The following FER1L6 variants were observed in gnomAD, a reference collection of about 807,000 sequenced individuals.
FER1L6 encodes fer-1 like family member 6, also known as fer-1-like protein 6.
FER1L6 carries 177 observed loss-of-function variants against 219.2 expected under a neutral mutation model. That is an observed-to-expected ratio of 0.81 (90% CI 0.71 to 0.91). The LOEUF (loss-of-function observed/expected upper bound fraction) is 0.91, where lower values mean the gene tolerates loss of function less well. FER1L6 is among the 40% of genes least tolerant of loss of function. FER1L6 has a pLI of 0.00. For missense variants in FER1L6, 2,153 were observed against 2,259.9 expected (o/e 0.95, Z 0.96); for synonymous variants, 768 against 824.3 (o/e 0.93, Z 1.17).
chr8:124,079,572 T>A (rs1381252910), intron 32 of FER1L6, among the ~76,000 whole-genome samples: 1 of 152,178 alleles, frequency 6.6e-6, no homozygotes, highest in African/African-American at 2.4e-5. Flanking sequence ...AGATTGCAAA[T>A]GTTTTTTTCT....
chr8:123,970,166 G>A, intron 6 of FER1L6, 69 bp downstream of exon 6: 3 of 1,356,340 alleles, frequency 2.2e-6, no homozygotes, highest in South Asian at 2.3e-5. Flanking sequence ...GGACTCTCTG[G>A]GACAACTCAG....
intron 26 of FER1L6, among the ~76,000 whole-genome samples, chr8:124,065,652 T>C (rs554253373): frequency 1.3e-5 from 2 of 152,312 alleles, no homozygotes; most frequent in African/African-American, 4.8e-5. Context: ...CATCTCAGAT[T>C]AATCATAAAA....
At chr8:123,894,157 G>T (rs1394349965) in intron 1 of FER1L6, among the ~76,000 whole-genome samples, 1 of 152,108 alleles carries the variant, frequency 6.6e-6, no homozygotes, top group Admixed American at 6.6e-5. Flanking sequence ...GAGATACCAG[G>T]CCTCTCAAAA....
At chr8:123,857,593 A>C (rs1816670473) in intron 1 of FER1L6, among the ~76,000 whole-genome samples, 1 of 152,178 alleles carries the variant, frequency 6.6e-6, no homozygotes, top group African/African-American at 2.4e-5. Context: ...GTTCAGTACT[A>C]ACCTGTTAGG....
chr8:124,018,993 C>A (rs769652699), intron 16 of FER1L6, among the ~76,000 whole-genome samples: 1 of 152,184 alleles, frequency 6.6e-6, no homozygotes, highest in Non-Finnish European at 1.5e-5. Flanking sequence ...CACCTCTGTT[C>A]TAGAGTATGG....
intron 2 of FER1L6, among the ~76,000 whole-genome samples, chr8:123,958,423 C>T (rs1815113793): frequency 6.6e-6 from 1 of 152,094 alleles, no homozygotes; most frequent in South Asian, 2.1e-4. Flanking sequence ...TGACCCTGTC[C>T]CTCACCTACA....
intron 1 of FER1L6, among the ~76,000 whole-genome samples, chr8:123,935,431 C>T (rs1320757005): frequency 6.6e-6 from 1 of 152,192 alleles, no homozygotes; most frequent in African/African-American, 2.4e-5. Context: ...CGTCTAAGCT[C>T]TGCTGATTAA....
At chr8:124,005,276 T>C (rs929883197) in intron 13 of FER1L6, among the ~76,000 whole-genome samples, 3 of 152,238 alleles carry the variant, frequency 2.0e-5, no homozygotes, top group African/African-American at 7.2e-5. Context: ...CCCTGTGGCT[T>C]TCAGGATTAA....
At chr8:123,884,563 T>C (rs1237313380) in intron 1 of FER1L6, among the ~76,000 whole-genome samples, 1 of 152,240 alleles carries the variant, frequency 6.6e-6, no homozygotes, top group African/African-American at 2.4e-5. Flanking sequence ...GCTTCAGCTT[T>C]TCTGGGCCAG....
intron 11 of FER1L6, among the ~76,000 whole-genome samples, chr8:123,983,538 C>T (rs1346413877): frequency 6.6e-6 from 1 of 152,094 alleles, no homozygotes; most frequent in Non-Finnish European, 1.5e-5. Context: ...TAAGGAGGTA[C>T]AGATAAAGTG....
intron 37 of FER1L6, among the ~76,000 whole-genome samples, chr8:124,099,928 A>G (rs904525669): frequency 6.6e-6 from 1 of 152,012 alleles, no homozygotes; most frequent in Admixed American, 6.6e-5. Flanking sequence ...CCACTCACTC[A>G]TATCCCTCTC....
chr8:123,967,069 G>A lies in FER1L6; in HGVS notation c.384+779G>A, dbSNP rs371909119. Among the ~76,000 whole-genome samples the A allele has an allele frequency of 1.2e-4, 16 of 138,826 alleles. No individual in the cohort carries two copies. The East Asian group carries it at 2.7e-3, about 23-fold the overall frequency. 91.1% of individuals were successfully genotyped at this position (138,826 alleles called of 152,430 possible). ...TGCACTCCAGCCTGGGTGACAGAGTGAGACTCCACCTCAAAAAAAAAAAAA... is the reference window on the plus strand; with the variant it reads ...TGCACTCCAGCCTGGGTGACAGAGTAAGACTCCACCTCAAAAAAAAAAAAA... On this transcript the variant is annotated intron_variant, in intron 5 of 40. Coordinates refer to ENST00000522917, the MANE Select transcript of FER1L6 (RefSeq NM_001039112.2).
At chr8:124,068,640 A>G (rs917079158) in intron 28 of FER1L6, among the ~76,000 whole-genome samples, 5 of 152,138 alleles carry the variant, frequency 3.3e-5, no homozygotes, top group Non-Finnish European at 7.3e-5. Context: ...GTGACTCCAA[A>G]AAGCTTTGGA....
At chr8:123,861,237 G>A (rs1816739675) in intron 1 of FER1L6, among the ~76,000 whole-genome samples, 1 of 120,120 alleles carries the variant, frequency 8.3e-6, no homozygotes, top group Non-Finnish European at 1.7e-5. Flanking sequence ...ATTAAATAGG[G>A]AATCCTTTCC....
intron 37 of FER1L6, 83 bp downstream of exon 37, chr8:124,097,966 G>A (rs1327350851): frequency 1.3e-5 from 10 of 760,714 alleles, no homozygotes; most frequent in Non-Finnish European, 2.1e-5. Flanking sequence ...GCCTCATGGA[G>A]GATACTAAAC....
At chr8:124,097,427 T>G in intron 36 of FER1L6, 68 bp downstream of exon 36, 1 of 1,158,866 alleles carries the variant, frequency 8.6e-7, no homozygotes, top group East Asian at 2.4e-5. Context: ...TCATGACATT[T>G]TATCTGGTGT....
chr8:124,103,393 A>G, intron 39 of FER1L6, 84 bp downstream of exon 39: 2 of 1,353,124 alleles, frequency 1.5e-6, no homozygotes, highest in Non-Finnish European at 2.1e-6. Context: ...GTGAACTTCA[A>G]GTAAAATGCC....
intron 17 of FER1L6, 55 bp downstream of exon 17, chr8:124,021,724 G>A: frequency 6.2e-7 from 1 of 1,602,322 alleles, no homozygotes; most frequent in South Asian, 1.1e-5. Context: ...ATGTCTTCCA[G>A]GGAGGTTTGA....
intron 2 of FER1L6, 46 bp downstream of exon 2, chr8:123,956,120 G>T (rs377723942): frequency 6.5e-5 from 99 of 1,524,820 alleles, no homozygotes; most frequent in Non-Finnish European, 8.7e-5. Flanking sequence ...TGAGAGTCTC[G>T]CAGAGTGACC....
Sources: allele counts gnomAD v4.1 joint callset (sites outside exome capture counted in the v4.1 genomes callset), GRCh38; gene constraint gnomAD v4.1.1; transcripts MANE v1.5; gene names NCBI Gene and HGNC (gene_info 2026-07-23, HGNC 2026-07-21).